MARCHF1: variants seen among roughly 807,000 people sequenced by gnomAD.
MARCHF1 encodes the protein E3 ubiquitin-protein ligase MARCHF1.
MARCHF1 carries 40 observed loss-of-function variants against 54.2 expected under a neutral mutation model. The ratio of observed to expected loss-of-function variants is 0.74; its 90% CI spans 0.57 to 0.96. The LOEUF (loss-of-function observed/expected upper bound fraction) is 0.96. Ranked by LOEUF, MARCHF1 falls within the 40% of genes least tolerant of loss-of-function variation. The probability of loss-of-function intolerance (pLI) is 0.00; values close to 1 mark genes in which losing one functional copy is unlikely to be tolerated. For missense variants in MARCHF1, 586 were observed against 656.5 expected (o/e 0.89, Z 1.17); for synonymous variants, 236 against 236.3 (o/e 1.00, Z 0.01).
intron 1 of MARCHF1, among the ~76,000 whole-genome samples, chr4:164,210,937 G>C (rs1312214367): frequency 6.6e-6 from 1 of 152,082 alleles, no homozygotes; most frequent in Non-Finnish European, 1.5e-5. Context: ...ATTATGCTAA[G>C]TAAAATAAGC....
intron 3 of MARCHF1, among the ~76,000 whole-genome samples, chr4:163,889,926 C>T (rs13140708): frequency 0.14 from 7,240 of 50,316 alleles, 540 homozygotes; most frequent in East Asian, 0.31. Flanking sequence ...TTTCTTTTTT[C>T]TTTTTTTTTT....
intron 9 of MARCHF1, chr4:163,530,518 A>G (rs890477103): frequency 6.6e-6 from 1 of 151,920 alleles, no homozygotes; most frequent in African/African-American, 2.4e-5. Flanking sequence ...TTTTCTTTTC[A>G]AAATGCTTTG....
intron 2 of MARCHF1, among the ~76,000 whole-genome samples, chr4:164,068,632 T>C (rs1754783985): frequency 6.6e-6 from 1 of 151,980 alleles, no homozygotes; most frequent in Non-Finnish European, 1.5e-5. Flanking sequence ...TGCCTGAGCC[T>C]CCCCCACCTG....
intron 3 of MARCHF1, among the ~76,000 whole-genome samples, chr4:163,940,718 G>C (rs77235515): frequency 0.019 from 2,832 of 152,194 alleles, 48 homozygotes; most frequent in South Asian, 0.046. Context: ...TGGAACTTAT[G>C]AATCAGCATT....
chr4:163,817,358 CATACATACAT>C (rs1460167672), intron 4 of MARCHF1, among the ~76,000 whole-genome samples: 5 of 151,420 alleles, frequency 3.3e-5, no homozygotes, highest in East Asian at 1.9e-4. Flanking sequence ...TACACATATA[CATACATACAT>C]ATACATACAT....
chr4:164,068,429 G>C (rs559444475), intron 2 of MARCHF1, among the ~76,000 whole-genome samples: 1 of 152,168 alleles, frequency 6.6e-6, no homozygotes, highest in Non-Finnish European at 1.5e-5. Flanking sequence ...GGCTGTGTGC[G>C]GCGCTTGTGG....
At chr4:163,824,455 G>T (rs1252827980) in intron 4 of MARCHF1, among the ~76,000 whole-genome samples, 1 of 145,232 alleles carries the variant, frequency 6.9e-6, no homozygotes, top group Non-Finnish European at 1.5e-5. Flanking sequence ...AGCTGAAACT[G>T]GATCCCTTCC....
chr4:164,356,601 TG>T (rs1310368717), intron 1 of MARCHF1, among the ~76,000 whole-genome samples: 4 of 112,300 alleles, frequency 3.6e-5, no homozygotes, highest in African/African-American at 1.0e-4. Context: ...GATCACACTC[TG>T]GGGACTGTGG....
At chr4:163,744,738 A>C (rs1048347131) in intron 4 of MARCHF1, among the ~76,000 whole-genome samples, 4 of 152,332 alleles carry the variant, frequency 2.6e-5, no homozygotes, top group Non-Finnish European at 4.4e-5. Flanking sequence ...ATCCTTTTAC[A>C]TATGTGTGTT....
intron 1 of MARCHF1, among the ~76,000 whole-genome samples, chr4:164,233,246 A>AG (rs2111185575): frequency 6.6e-6 from 1 of 152,118 alleles, no homozygotes; most frequent in East Asian, 1.9e-4. Context: ...TATTTCAAAA[A>AG]AAAAACACAT....
At chr4:164,156,358 A>T (rs1258503431) in intron 1 of MARCHF1, among the ~76,000 whole-genome samples, 1 of 152,218 alleles carries the variant, frequency 6.6e-6, no homozygotes, top group Admixed American at 6.5e-5. Context: ...TGACTTCAGT[A>T]GGAAAATGGG....
chr4:163,604,392 C>T (rs1164738683), intron 7 of MARCHF1, among the ~76,000 whole-genome samples: 6 of 151,990 alleles, frequency 3.9e-5, no homozygotes, highest in South Asian at 2.1e-4. Flanking sequence ...ACCTGAAAGC[C>T]GATTATATAT....
intron 5 of MARCHF1, among the ~76,000 whole-genome samples, chr4:163,697,531 T>A (rs942114620): frequency 5.3e-5 from 8 of 152,188 alleles, no homozygotes; most frequent in African/African-American, 1.9e-4. Flanking sequence ...ATTTCTGATA[T>A]GTGACACTCA....
chr4:164,319,602 T>G (rs774963241), intron 1 of MARCHF1, among the ~76,000 whole-genome samples: 1 of 152,182 alleles, frequency 6.6e-6, no homozygotes, highest in Non-Finnish European at 1.5e-5. Context: ...GGAAAGAATG[T>G]GAAAAATGTC....
intron 4 of MARCHF1, among the ~76,000 whole-genome samples, chr4:163,777,786 C>G (rs1037224633): frequency 6.6e-6 from 1 of 152,062 alleles, no homozygotes; most frequent in Non-Finnish European, 1.5e-5. Flanking sequence ...AATTTACATA[C>G]AATAAAATTG....
chr4:164,150,024 C>CTA (rs1729887851), intron 1 of MARCHF1, among the ~76,000 whole-genome samples: 1 of 152,024 alleles, frequency 6.6e-6, no homozygotes. Flanking sequence ...TATTTAGACA[C>CTA]TATATTATTG....
chr4:163,576,579 T>C (rs1740044842), intron 8 of MARCHF1, among the ~76,000 whole-genome samples: 1 of 152,070 alleles, frequency 6.6e-6, no homozygotes, highest in Non-Finnish European at 1.5e-5. Context: ...GTGTCAAATG[T>C]AAGTCCAGAA....
chr4:164,350,174 A>G (rs1055439593), intron 1 of MARCHF1, among the ~76,000 whole-genome samples: 5 of 152,222 alleles, frequency 3.3e-5, no homozygotes, highest in Non-Finnish European at 7.3e-5. Flanking sequence ...ATGGTATTGT[A>G]TACTGATGTG....
intron 2 of MARCHF1, among the ~76,000 whole-genome samples, chr4:164,032,464 G>C (rs1422136569): frequency 6.6e-6 from 1 of 152,080 alleles, no homozygotes; most frequent in Non-Finnish European, 1.5e-5. Flanking sequence ...TTCTGATGTG[G>C]GCATTTAGTG....
Sources: gnomAD v4.1 joint callset for allele counts (sites outside exome capture counted in the v4.1 genomes callset) on GRCh38, gnomAD v4.1.1 for gene constraint, MANE v1.5 for transcripts, NCBI Gene and HGNC (gene_info 2026-07-23, HGNC 2026-07-21) for gene names.